PARD3: variants seen among roughly 807,000 people sequenced by gnomAD.
PARD3 encodes partitioning defective 3 homolog.
Under a neutral mutation model 155.4 loss-of-function variants are expected in PARD3, and 75 were observed. The ratio of observed to expected loss-of-function variants is 0.48; its 90% confidence interval spans 0.40 to 0.58. PARD3 has a LOEUF of 0.58. Ranked by LOEUF, PARD3 falls within the 20% of genes least tolerant of loss-of-function variation. The pLI is 0.00. For missense variants in PARD3, 1,642 were observed against 1,721.7 expected (o/e 0.95, Z 0.82); for synonymous variants, 576 against 610.5 (o/e 0.94, Z 0.83).
At chr10:34,359,006 A>G (rs1564625589) in intron 14 of PARD3, 141 bp downstream of exon 14, 1 of 599,488 alleles carries the variant, frequency 1.7e-6, no homozygotes, top group Non-Finnish European at 2.9e-6. Flanking sequence ...CCACCTACAA[A>G]ATAATAAAAC....
intron 7 of PARD3, 96 bp downstream of exon 7, chr10:34,399,234 A>C: frequency 1.3e-6 from 1 of 790,848 alleles, no homozygotes; most frequent in Non-Finnish European, 2.2e-6. Context: ...TTTCCTATTA[A>C]GCATATGCTA....
chr10:34,799,742 G>C (rs1351534063), intron 1 of PARD3, among the ~76,000 whole-genome samples: 1 of 151,900 alleles, frequency 6.6e-6, no homozygotes, highest in Non-Finnish European at 1.5e-5. Context: ...TGCAATCCCA[G>C]CACTTTGGGG....
chr10:34,166,697 C>T (rs1209906985), intron 22 of PARD3, among the ~76,000 whole-genome samples: 1 of 152,086 alleles, frequency 6.6e-6, no homozygotes, highest in Admixed American at 6.6e-5. Flanking sequence ...ATGCCCCTTC[C>T]TTCTTCCAGG....
chr10:34,649,031 T>C (rs986544688), intron 2 of PARD3, among the ~76,000 whole-genome samples: 1 of 152,146 alleles, frequency 6.6e-6, no homozygotes, highest in African/African-American at 2.4e-5. Context: ...TTCCTGAACT[T>C]TGATGGATTT....
intron 22 of PARD3, among the ~76,000 whole-genome samples, chr10:34,223,467 G>C (rs189306142): frequency 6.6e-6 from 1 of 152,288 alleles, no homozygotes; most frequent in East Asian, 1.9e-4. Flanking sequence ...ATTGTTGGGA[G>C]AGTTTCTAAA....
chr10:34,250,400 A>G (rs1179505803), intron 22 of PARD3, among the ~76,000 whole-genome samples: 1 of 152,206 alleles, frequency 6.6e-6, no homozygotes, highest in Non-Finnish European at 1.5e-5. Flanking sequence ...TATTAAGGTA[A>G]GTGATTATTG....
rs147529631 is a variant in PARD3, at chr10:34,207,167, C to T, written c.3419+62490G>A. Among the ~76,000 whole-genome samples, 685 of 152,278 alleles carry T rather than the reference C, an allele frequency of 4.5e-3. 1 individual carries two copies. The highest frequency in any genetic ancestry group is 7.1e-3 in the Non-Finnish European group (483 of 68,020). On this transcript the variant is annotated intron_variant, in intron 22 of 24. Transcript: ENST00000374788. ...TTATCAAGCCTACATCAGCAATTCA[C>T]GCCTCAAATACTTCCTCCTTTATCT...
At chr10:34,799,867 C>T (rs1842686117) in intron 1 of PARD3, among the ~76,000 whole-genome samples, 2 of 151,896 alleles carry the variant, frequency 1.3e-5, no homozygotes, top group African/African-American at 4.8e-5. Context: ...GTGGCGCATG[C>T]CTGTAGTCCC....
intron 8 of PARD3, among the ~76,000 whole-genome samples, chr10:34,383,390 T>C (rs76639576): frequency 1.3e-4 from 19 of 150,150 alleles, no homozygotes; most frequent in Non-Finnish European, 2.8e-4. Context: ...ATTTTTAAAA[T>C]ACACACACAC....
At position 34,457,333 on chromosome 10, in the gene PARD3, T is replaced by C. The variant is rs139949187; in HGVS notation, c.583-6885A>G. On this transcript the variant is annotated intron_variant, in intron 4 of 24. Transcript: ENST00000374788. ...AGGAGAAGAGAAAGACCAGCAAAAC[T>C]CAACCACATCCAGGATGCTCGTTTG... Among the ~76,000 whole-genome samples, 3 of 152,280 alleles carry C rather than the reference T, an allele frequency of 2.0e-5. No individual in the cohort carries two copies. The East Asian group carries it at 5.8e-4, about 29-fold the overall frequency.
chr10:34,753,224 C>T (rs1836289321), intron 1 of PARD3, among the ~76,000 whole-genome samples: 1 of 152,242 alleles, frequency 6.6e-6, no homozygotes, highest in South Asian at 2.1e-4. Context: ...GGATGACACT[C>T]TATCCCCAAG....
chr10:34,370,050 A>C (rs1014519910), intron 12 of PARD3, among the ~76,000 whole-genome samples: 37 of 152,224 alleles, frequency 2.4e-4, no homozygotes, highest in African/African-American at 4.8e-4. Flanking sequence ...TATCATGTTA[A>C]TATTAAGCCT....
intron 1 of PARD3, among the ~76,000 whole-genome samples, chr10:34,717,635 A>G (rs1260751273): frequency 1.3e-5 from 2 of 152,166 alleles, no homozygotes; most frequent in African/African-American, 4.8e-5. Flanking sequence ...GCCTTCTAAG[A>G]GCAAGAAAAG....
At chr10:34,712,047 A>G (rs1024820673) in intron 1 of PARD3, among the ~76,000 whole-genome samples, 1 of 152,212 alleles carries the variant, frequency 6.6e-6, no homozygotes, top group Non-Finnish European at 1.5e-5. Context: ...CAGGAATCTT[A>G]GGCAGAAGAA....
chr10:34,505,819 T>A (rs2081024128), intron 3 of PARD3, among the ~76,000 whole-genome samples: 1 of 152,228 alleles, frequency 6.6e-6, no homozygotes, highest in South Asian at 2.1e-4. Context: ...ATGTTTATTC[T>A]GCTTAAAGAC....
At chr10:34,321,953 A>T (rs2134165291) in intron 19 of PARD3, among the ~76,000 whole-genome samples, 1 of 152,244 alleles carries the variant, frequency 6.6e-6, no homozygotes, top group Non-Finnish European at 1.5e-5. Context: ...AGGTCATTAG[A>T]GTCTATTTCC....
chr10:34,805,324 T>C lies in PARD3; in HGVS notation c.120+9552A>G, dbSNP rs548880362. Reference sequence around the variant, plus strand: ...GTGAGCCGAGACTCTGCCACTGCACTGCAGCCTGGGCAACAAAGTGAGACT... The same window carrying C: ...GTGAGCCGAGACTCTGCCACTGCACCGCAGCCTGGGCAACAAAGTGAGACT... On this transcript the variant is annotated intron_variant, in intron 1 of 24. Coordinates refer to ENST00000374788, the MANE Select transcript of PARD3 (RefSeq NM_001184785.2). Among the ~76,000 whole-genome samples, 8 of 152,246 alleles carry C rather than the reference T, an allele frequency of 5.3e-5. No individual in the cohort carries two copies. In the South Asian group the frequency reaches 1.7e-3, roughly 32 times the overall value.
At chr10:34,150,162 T>TA (rs1394582669) in intron 22 of PARD3, among the ~76,000 whole-genome samples, 3 of 152,206 alleles carry the variant, frequency 2.0e-5, no homozygotes, top group African/African-American at 7.2e-5. Flanking sequence ...ATGTGAATAA[T>TA]ATGAGATGAG....
intron 5 of PARD3, among the ~76,000 whole-genome samples, chr10:34,441,928 T>A (rs748048944): frequency 2.6e-5 from 4 of 152,184 alleles, no homozygotes; most frequent in Non-Finnish European, 1.5e-5. Context: ...TGGGTGTTAT[T>A]GGGGACATAA....
Sources: allele counts gnomAD v4.1 joint callset (sites outside exome capture counted in the v4.1 genomes callset), GRCh38; gene constraint gnomAD v4.1.1; transcripts MANE v1.5; gene names NCBI Gene and HGNC (gene_info 2026-07-23, HGNC 2026-07-21).